Variants in HAUS7 observed in about 807,000 individuals in gnomAD.
HAUS7 encodes HAUS augmin-like complex subunit 7.
A neutral mutation model predicts 28.4 loss-of-function variants in HAUS7; 3 were observed. The ratio of observed to expected loss-of-function variants is 0.11; its 90% confidence interval spans 0.05 to 0.27. The LOEUF (loss-of-function observed/expected upper bound fraction) is 0.27, where lower values mean the gene tolerates loss of function less well. Ranked by LOEUF, HAUS7 falls within the 10% of genes least tolerant of loss-of-function variation. The pLI, the probability that HAUS7 is intolerant of heterozygous loss-of-function variation, is 1.00. For synonymous variants in HAUS7, 165 were observed against 132.1 expected (o/e 1.25, Z -1.71); for missense variants, 284 against 297.3 (o/e 0.96, Z 0.33).
At chrX:153,482,551 C>T in intron 1 of HAUS7, 4 of 731,032 alleles carry the variant, frequency 5.5e-6, no homozygotes, top group South Asian at 7.0e-5. Flanking sequence ...GTGGGTCTGC[C>T]CTCTAGGAGG....
intron 9 of HAUS7, among the ~76,000 whole-genome samples, chrX:153,448,187 T>C (rs1454566728): frequency 4.5e-5 from 5 of 110,361 alleles, no homozygotes; most frequent in African/African-American, 1.7e-4. Context: ...ATATGGCACA[T>C]ATACACCATG....
At chrX:153,482,360 G>T in intron 1 of HAUS7, 1 of 756,558 alleles carries the variant, frequency 1.3e-6, no homozygotes, top group Non-Finnish European at 1.6e-6. Context: ...GAACCTGGTT[G>T]GGAACTCGCT....
intron 4 of HAUS7, among the ~76,000 whole-genome samples, chrX:153,458,784 G>T (rs2089349605): frequency 9.1e-6 from 1 of 110,437 alleles, no homozygotes; most frequent in South Asian, 3.8e-4. Flanking sequence ...AAACAACAGG[G>T]TCTTGCTCTG....
At chrX:153,472,946 C>T (rs2089538973), upstream of HAUS7, among the ~76,000 whole-genome samples, 1 of 111,278 alleles carries the variant, frequency 9.0e-6, no homozygotes, top group Admixed American at 9.4e-5. Flanking sequence ...GGCCATGCGT[C>T]CCAGCAGGGC....
intron 4 of HAUS7, chrX:153,462,320 T>C (rs1556983552): frequency 5.5e-6 from 2 of 362,625 alleles, no homozygotes; most frequent in Non-Finnish European, 7.1e-6. Context: ...GACAGGACAC[T>C]TTCCATCCCA....
At chrX:153,470,414 C>T in intron 1 of HAUS7, 36 bp downstream of exon 1, 1 of 1,193,898 alleles carries the variant, frequency 8.4e-7, no homozygotes, top group Non-Finnish European at 1.1e-6. Flanking sequence ...CCTCCCCGGT[C>T]CCCCGCCCTG....
upstream of HAUS7, chrX:153,470,954 T>A (rs1556985215): frequency 3.0e-6 from 1 of 333,260 alleles, no homozygotes; most frequent in Admixed American, 3.1e-5. Context: ...CGGCCGGGAA[T>A]GATGATGCGT....
chrX:153,486,487 C>T (rs1299271985), intron 1 of HAUS7: 1 of 440,583 alleles, frequency 2.3e-6, no homozygotes, highest in South Asian at 2.8e-5. Flanking sequence ...CTGAAGCCCG[C>T]CATCACTCCT....
intron 2 of HAUS7, among the ~76,000 whole-genome samples, chrX:153,466,423 C>T (rs2089455789): frequency 8.9e-6 from 1 of 112,185 alleles, no homozygotes; most frequent in African/African-American, 3.2e-5. Flanking sequence ...TGCTGGAGGC[C>T]TTGGAGGCCC....
At chrX:153,472,441 CACCACCTGCCA>C (rs2089533998), upstream of HAUS7, among the ~76,000 whole-genome samples, 10 of 90,609 alleles carry the variant, frequency 1.1e-4, no homozygotes, top group Admixed American at 1.3e-4. Context: ...ACCCACCACC[CACCACCTGCCA>C]CCCACCACCC....
chrX:153,452,292 G>A (rs1375576352), intron 9 of HAUS7, among the ~76,000 whole-genome samples: 1 of 111,987 alleles, frequency 8.9e-6, no homozygotes, highest in Non-Finnish European at 1.9e-5. Flanking sequence ...TGGCATGGAA[G>A]GACACTAGAC....
upstream of HAUS7, chrX:153,470,909 T>C (rs1556985189): frequency 5.8e-6 from 2 of 345,575 alleles, no homozygotes; most frequent in African/African-American, 2.6e-5. Flanking sequence ...AAGCTGGCTC[T>C]GAGTCGCAGG....
chrX:153,474,832 G>T (rs2089552131), upstream of HAUS7, among the ~76,000 whole-genome samples: 1 of 110,367 alleles, frequency 9.1e-6, no homozygotes, highest in Admixed American at 9.4e-5. Context: ...TGCGCGGGGC[G>T]CAGCCGCGCA....
intron 1 of HAUS7, chrX:153,482,661 G>A (rs1265640324): frequency 1.3e-6 from 1 of 751,253 alleles, no homozygotes; most frequent in Non-Finnish European, 1.6e-6. Flanking sequence ...AGGGGTTCTA[G>A]AGCTACTGCG....
At chrX:153,456,197 T>C in intron 7 of HAUS7, 68 bp downstream of exon 7, 1 of 845,091 alleles carries the variant, frequency 1.2e-6, no homozygotes, top group Non-Finnish European at 1.8e-6. Context: ...AAGCCTCACG[T>C]GCTGAGGGAG....
chrX:153,447,756 C>T lies in HAUS7; in HGVS notation c.*122G>A. ...GGGCCAAAGGTCCCTGCCTAGAGCACAACGTGGGGCTGCAACGGCTTCTGC... is the reference window on the plus strand; with the variant it reads ...GGGCCAAAGGTCCCTGCCTAGAGCATAACGTGGGGCTGCAACGGCTTCTGC... On this transcript the variant is annotated 3_prime_UTR_variant, in exon 10 of 10. Transcript: ENST00000370211. 1 of 623,120 alleles carries T rather than the reference C, an allele frequency of 1.6e-6. No individual in the cohort carries two copies. Among genetic ancestry groups the T allele is most frequent in the Non-Finnish European group, 2.8e-6 (1 of 356,509 alleles). 51.4% of individuals were successfully genotyped at this position (623,120 alleles called of 1,213,427 possible).
At chrX:153,470,373 G>T in intron 1 of HAUS7, 77 bp downstream of exon 1, 1 of 1,059,326 alleles carries the variant, frequency 9.4e-7, no homozygotes, top group Non-Finnish European at 1.3e-6. Context: ...GCGGACTTCC[G>T]CAGCAAGCCC....
At chrX:153,464,734 G>A (rs1343015635) in intron 3 of HAUS7, among the ~76,000 whole-genome samples, 3 of 112,360 alleles carry the variant, frequency 2.7e-5, no homozygotes, top group African/African-American at 6.5e-5. Flanking sequence ...GACACAGGGA[G>A]ACGGAACCAC....
intron 1 of HAUS7, chrX:153,486,110 C>T: frequency 1.1e-6 from 1 of 927,972 alleles, no homozygotes; most frequent in Non-Finnish European, 1.4e-6. Context: ...GGGCCCCCCT[C>T]CTCGACCCCA....
Sources: gnomAD v4.1 joint callset for allele counts (sites outside exome capture counted in the v4.1 genomes callset) on GRCh38, gnomAD v4.1.1 for gene constraint, MANE v1.5 for transcripts, NCBI Gene and HGNC (gene_info 2026-07-23, HGNC 2026-07-21) for gene names.